The following FTCDNL1 variants were observed in gnomAD, a reference collection of about 807,000 sequenced individuals.
FTCDNL1 encodes formiminotransferase N-terminal subdomain-containing protein.
Under a neutral mutation model 5.9 loss-of-function variants are expected in FTCDNL1, and 11 were observed. The ratio of observed to expected loss-of-function variants is 1.87; its 90% CI spans 1.18 to 3.10. The LOEUF is 3.10. Ranked by LOEUF, FTCDNL1 falls within the 30% of genes most tolerant of loss-of-function variation. FTCDNL1 has a pLI of 0.00. For missense variants in FTCDNL1, 115 were observed against 65.5 expected (o/e 1.76, Z -2.61); for synonymous variants, 58 against 24.8 (o/e 2.34, Z -3.99).
intron 4 of FTCDNL1, among the ~76,000 whole-genome samples, chr2:199,817,020 A>T (rs1012219984): frequency 1.3e-5 from 2 of 152,158 alleles, no homozygotes; most frequent in African/African-American, 4.8e-5. Context: ...TTAACTGTAA[A>T]TTCTCTCTAC....
the FTCDNL1 span, among the ~76,000 whole-genome samples, chr2:199,694,704 T>A: frequency 6.6e-6 from 1 of 152,088 alleles, no homozygotes; most frequent in Non-Finnish European, 1.5e-5. Context: ...CATTGTGGCA[T>A]GTGCTTGTAG....
chr2:199,699,214 C>T, the FTCDNL1 span, among the ~76,000 whole-genome samples: 7 of 152,134 alleles, frequency 4.6e-5, no homozygotes, highest in African/African-American at 1.7e-4. Flanking sequence ...CACCTATAAT[C>T]CCAAAACTTT....
Position 199,846,281 on chromosome 2 carries a change from G to A in FTCDNL1, c.116-111C>T, listed in dbSNP as rs113996404. 210 of 578,026 alleles carry A rather than the reference G, an allele frequency of 3.6e-4. 1 individual carries two copies. In the African/African-American group the frequency reaches 3.7e-3, roughly 10 times the overall value. The allele number at this position is 578,026 out of a possible 1,614,324, so 35.8% of individuals were successfully genotyped here. A position where few individuals can be genotyped will look rare whatever the true frequency, so the allele number is the denominator to read the frequency against. On this transcript the variant is annotated intron_variant, in intron 2 of 4. Transcript: ENST00000420128. ...TAGCTTAGTGGAAAAATTCTGGGAT[G>A]TGACTTTTGGAAGTGACATTGAATA...
intron 3 of FTCDNL1, among the ~76,000 whole-genome samples, chr2:199,828,096 CAAGGGCCTATAGT>C (rs146934310): frequency 0.041 from 6,311 of 152,146 alleles, 323 homozygotes; most frequent in Admixed American, 0.13. Flanking sequence ...GACTGCAATC[CAAGGGCCTATAGT>C]AAGTAGGTAT....
In FTCDNL1 at chr2:199,779,456, A is replaced by G. The variant is rs1200700017; in HGVS notation, c.212-18621T>C. ...AATGGGGAAACAGAAAGCAAAATGGAAGACTGAAAATAGGAGAGGATTCTG... is the reference window on the plus strand; with the variant it reads ...AATGGGGAAACAGAAAGCAAAATGGGAGACTGAAAATAGGAGAGGATTCTG... On this transcript the variant is annotated intron_variant, in intron 3 of 3. Coordinates refer to the FTCDNL1 transcript ENST00000416668. 1.8e-4 allele frequency among the ~76,000 whole-genome samples: 28 copies of G among 152,216 alleles called. 1 individual carries two copies. The highest frequency in any genetic ancestry group is 1.8e-3 in the Admixed American group (28 of 15,288).
intron 4 of FTCDNL1, chr2:199,818,364 AT>A (rs1701478456): frequency 6.6e-6 from 1 of 152,222 alleles, no homozygotes; most frequent in Non-Finnish European, 1.5e-5. Flanking sequence ...AATGAAATAC[AT>A]TTGTAATATC....
At chr2:199,709,964 C>T in the FTCDNL1 span, among the ~76,000 whole-genome samples, 746 of 151,990 alleles carry the variant, frequency 4.9e-3, no homozygotes, top group Non-Finnish European at 7.4e-3. Context: ...CATCATTATT[C>T]TCAGCTTCCA....
chr2:199,804,379 C>A (rs1700617182), downstream of FTCDNL1, among the ~76,000 whole-genome samples: 1 of 152,160 alleles, frequency 6.6e-6, no homozygotes, highest in South Asian at 2.1e-4. Flanking sequence ...AAGATGGCTA[C>A]ACAAGGAAAG....
At chr2:199,765,556 A>ATATATATATATATATATATATATATTT in intron 3 of FTCDNL1, among the ~76,000 whole-genome samples, 1 of 42,666 alleles carries the variant, frequency 2.3e-5, no homozygotes, top group African/African-American at 6.4e-5. Flanking sequence ...ATATATATAT[A>ATATATATATATATATATATATATATTT]TTTTTTTTTT....
At chr2:199,711,493 C>T in the FTCDNL1 span, among the ~76,000 whole-genome samples, 106 of 152,078 alleles carry the variant, frequency 7.0e-4, no homozygotes, top group Non-Finnish European at 1.3e-3. Flanking sequence ...TCATTTTTCC[C>T]TCAGGAGTCT....
intron 3 of FTCDNL1, among the ~76,000 whole-genome samples, chr2:199,800,618 A>G (rs2106399394): frequency 6.6e-6 from 1 of 152,350 alleles, no homozygotes; most frequent in East Asian, 1.9e-4. Context: ...CCACATTTTT[A>G]TGGCTACTCT....
the FTCDNL1 span, among the ~76,000 whole-genome samples, chr2:199,714,999 C>T: frequency 6.6e-6 from 1 of 151,520 alleles, no homozygotes; most frequent in African/African-American, 2.4e-5. Context: ...TGTTAAATGA[C>T]AAGTTACTGG....
chr2:199,715,745 G>C, the FTCDNL1 span, among the ~76,000 whole-genome samples: 2 of 152,120 alleles, frequency 1.3e-5, no homozygotes. Context: ...GAGAGGTTAA[G>C]TTACTTGTCC....
chr2:199,823,249 C>T (rs904020034), intron 3 of FTCDNL1, among the ~76,000 whole-genome samples: 8 of 152,156 alleles, frequency 5.3e-5, no homozygotes, highest in Admixed American at 3.9e-4. Context: ...TCTGCAGTGA[C>T]TTCCTCCACT....
At chr2:199,802,711 C>T (rs777432416) in intron 3 of FTCDNL1, among the ~76,000 whole-genome samples, 12 of 152,188 alleles carry the variant, frequency 7.9e-5, no homozygotes, top group African/African-American at 1.4e-4. Flanking sequence ...TGTGGCCCAA[C>T]TCAGAGAAAT....
intron 3 of FTCDNL1, among the ~76,000 whole-genome samples, chr2:199,843,297 T>C (rs955493762): frequency 1.3e-5 from 2 of 152,248 alleles, no homozygotes; most frequent in Non-Finnish European, 2.9e-5. Context: ...CCAGTCCTGA[T>C]GTAATGAAGA....
chr2:199,766,703 C>A (rs996579565), intron 3 of FTCDNL1, among the ~76,000 whole-genome samples: 1 of 152,096 alleles, frequency 6.6e-6, no homozygotes, highest in African/African-American at 2.4e-5. Flanking sequence ...TGGCCTTGAA[C>A]TTAAACGTCA....
intron 3 of FTCDNL1, among the ~76,000 whole-genome samples, chr2:199,774,553 T>C (rs944388865): frequency 2.0e-5 from 3 of 151,806 alleles, no homozygotes; most frequent in Non-Finnish European, 2.9e-5. Flanking sequence ...CTTTAGGGGG[T>C]GGGCATGCTA....
intron 3 of FTCDNL1, among the ~76,000 whole-genome samples, chr2:199,782,691 G>T (rs1422292083): frequency 2.0e-5 from 3 of 152,212 alleles, no homozygotes; most frequent in Admixed American, 2.0e-4. Flanking sequence ...ATCCTCCTAA[G>T]AGGGGGCCAT....
Sources: allele counts gnomAD v4.1 joint callset (sites outside exome capture counted in the v4.1 genomes callset), GRCh38; gene constraint gnomAD v4.1.1; transcripts MANE v1.5; gene names NCBI Gene and HGNC (gene_info 2026-07-23, HGNC 2026-07-21).